STK32A: variants seen among roughly 807,000 people sequenced by gnomAD.
The protein encoded by STK32A is serine/threonine kinase 32A.
STK32A carries 41 observed loss-of-function variants against 53.2 expected under a neutral mutation model. That is an observed-to-expected ratio of 0.77 (90% CI 0.60 to 1.00). The LOEUF (loss-of-function observed/expected upper bound fraction) is 1.00, where lower values mean the gene tolerates loss of function less well. Ranked by LOEUF, STK32A falls within the 50% of genes least tolerant of loss-of-function variation. The pLI is 0.00. For synonymous variants in STK32A, 166 were observed against 162.8 expected (o/e 1.02, Z -0.15); for missense variants, 458 against 485.8 (o/e 0.94, Z 0.54).
At chr5:147,312,276 G>A (rs1453357552) in intron 4 of STK32A, among the ~76,000 whole-genome samples, 1 of 150,808 alleles carries the variant, frequency 6.6e-6, no homozygotes, top group Non-Finnish European at 1.5e-5. Context: ...ATTTTTTTTT[G>A]TATTTGTAGT....
At position 147,375,104 on chromosome 5, in the gene STK32A, T is replaced by A. The variant is rs141520109; in HGVS notation, c.918T>A (p.Asn306Lys). The A allele has an allele frequency of 6.2e-7, 1 of 1,605,446 alleles. No homozygotes were observed. The highest frequency in any genetic ancestry group is 8.5e-7 in the Non-Finnish European group (1 of 1,177,118). Residue 306 changes from asparagine to lysine, a missense_variant, in exon 11 of 13, where the codon AAT (asparagine) becomes AAA (lysine). Coordinates refer to ENST00000397936, the MANE Select transcript of STK32A (RefSeq NM_001112724.2). ...CTTCCTTGCAGAAAGGCAGGCTGAA[T>A]TGTGATCCTACCTTTGAACTTGAGG... ...PGFIPNKGRL[N>K]CDPTFELEEM...
Position 147,251,172 on chromosome 5 carries a change from G to A in STK32A, c.52+11486G>A, listed in dbSNP as rs560502166. Among the ~76,000 whole-genome samples the A allele has an allele frequency of 3.3e-4, 50 of 152,190 alleles. No individual in the cohort carries two copies. In the East Asian group the frequency reaches 3.3e-3, roughly 10 times the overall value. ...CTCATCAGCATGGAGCAGGCTAGAC[G>A]CACAGGGCCTTATATCCAGAAGGAC... On this transcript the variant is annotated intron_variant, in intron 2 of 12. Coordinates refer to ENST00000397936, the MANE Select transcript of STK32A (RefSeq NM_001112724.2).
Position 147,375,158 on chromosome 5 carries a change from T to C in STK32A, c.972T>C (p.His324=), listed in dbSNP as rs1369596142. The C allele has an allele frequency of 1.9e-6, 3 of 1,610,170 alleles. No individual in the cohort carries two copies. Among genetic ancestry groups the C allele is most frequent in the South Asian group, 1.1e-5 (1 of 90,222 alleles). ...TGATTTTGGAGTCCAAACCTCTACA[T>C]AAGAAAAAAAAGCGTCTGGCAAAGA... ...EEMILESKPL[H]KKKKRLAKKE... is the part of the protein sequence containing the mutation. Residue 324 remains histidine (H), a synonymous_variant, in exon 11 of 13, where the codon CAT becomes CAC. Transcript: ENST00000397936.
the STK32A span, chr5:147,399,008 A>G: frequency 6.4e-7 from 1 of 1,561,130 alleles, no homozygotes; most frequent in Non-Finnish European, 8.7e-7. Flanking sequence ...CACACCACAT[A>G]AACACATTTC....
intron 4 of STK32A, among the ~76,000 whole-genome samples, chr5:147,300,655 C>G (rs1753086599): frequency 6.6e-6 from 1 of 152,220 alleles, no homozygotes; most frequent in Admixed American, 6.5e-5. Context: ...TGCACACTCA[C>G]AAACATACCC....
chr5:147,347,881 G>A (rs553820184), intron 6 of STK32A, among the ~76,000 whole-genome samples: 79 of 152,296 alleles, frequency 5.2e-4, no homozygotes, highest in African/African-American at 1.9e-3. Flanking sequence ...ACTCTGTGAA[G>A]TTCTGCCTTC....
intron 1 of STK32A, among the ~76,000 whole-genome samples, chr5:147,237,087 T>A (rs897935865): frequency 1.9e-4 from 29 of 151,992 alleles, no homozygotes; most frequent in Admixed American, 1.9e-3. Context: ...CCGAGGTGGG[T>A]GCATCACAAG....
intron 2 of STK32A, among the ~76,000 whole-genome samples, chr5:147,255,831 C>G (rs1467776650): frequency 1.3e-5 from 2 of 152,172 alleles, no homozygotes. Flanking sequence ...TTAATTGTCA[C>G]TCACCAAAAT....
chr5:147,270,363 T>C (rs1754977082), intron 2 of STK32A, among the ~76,000 whole-genome samples: 1 of 149,916 alleles, frequency 6.7e-6, no homozygotes, highest in African/African-American at 2.5e-5. Flanking sequence ...CAGGCATGCA[T>C]CACCACACTC....
intron 2 of STK32A, among the ~76,000 whole-genome samples, chr5:147,250,933 C>A (rs1431408198): frequency 1.0e-5 from 1 of 95,628 alleles, no homozygotes; most frequent in Non-Finnish European, 1.9e-5. Context: ...CAGAGCAAGA[C>A]TCCATCTCAA....
intron 5 of STK32A, among the ~76,000 whole-genome samples, chr5:147,337,112 G>C (rs1353768993): frequency 6.6e-6 from 1 of 152,162 alleles, no homozygotes; most frequent in Non-Finnish European, 1.5e-5. Flanking sequence ...GAGAAGAGTA[G>C]ATACATCAAT....
In STK32A at chr5:147,309,670, C is replaced by A. The variant is rs115941262; in HGVS notation, c.261-14228C>A. ...GGAAACTTAAAGAATCGTATATATG[C>A]AATGTCACTTTTTAAGACAACTAAT... On this transcript the variant is annotated intron_variant, in intron 4 of 12. Coordinates refer to ENST00000397936, the MANE Select transcript of STK32A (RefSeq NM_001112724.2). 1.6e-3 allele frequency among the ~76,000 whole-genome samples: 245 copies of A among 152,244 alleles called. 1 individual carries two copies. Among genetic ancestry groups the A allele is most frequent in the African/African-American group, 5.5e-3 (227 of 41,560 alleles).
chr5:147,274,383 G>A (rs34365007), intron 2 of STK32A, among the ~76,000 whole-genome samples: 9,168 of 152,164 alleles, frequency 0.06, 381 homozygotes, highest in Admixed American at 0.13. Context: ...GTCTCCAGAC[G>A]GTCTTTCTGT....
intron 2 of STK32A, among the ~76,000 whole-genome samples, chr5:147,270,373 C>T (rs886638950): frequency 1.4e-5 from 2 of 144,386 alleles, no homozygotes; most frequent in African/African-American, 5.2e-5. Context: ...TCACCACACT[C>T]GACTAATGTT....
chr5:147,242,669 G>T (rs4705136), intron 2 of STK32A, among the ~76,000 whole-genome samples: 1 of 152,000 alleles, frequency 6.6e-6, no homozygotes, highest in Non-Finnish European at 1.5e-5. Context: ...ACAAAATCAG[G>T]ATTGAACAGT....
At chr5:147,250,601 G>A (rs1753944704) in intron 2 of STK32A, among the ~76,000 whole-genome samples, 1 of 152,152 alleles carries the variant, frequency 6.6e-6, no homozygotes, top group South Asian at 2.1e-4. Flanking sequence ...GTGGAGTGTG[G>A]AGGCCTGAGC....
At chr5:147,302,396 G>A (rs1114086) in intron 4 of STK32A, among the ~76,000 whole-genome samples, 39,630 of 152,042 alleles carry the variant, frequency 0.26, 5,766 homozygotes, top group Non-Finnish European at 0.33. Flanking sequence ...TCAGAGTTCC[G>A]AAGTGTAGAC....
chr5:147,284,689 G>A (rs1315645279), intron 4 of STK32A, among the ~76,000 whole-genome samples: 4 of 83,840 alleles, frequency 4.8e-5, no homozygotes, highest in Non-Finnish European at 7.6e-5. Flanking sequence ...AACAAAACAA[G>A]ACAAAACAAA....
chr5:147,395,571 A>C, the STK32A span: 1 of 1,612,728 alleles, frequency 6.2e-7, no homozygotes, highest in East Asian at 2.2e-5. Context: ...GACAGGCTAA[A>C]TCCCGACTGA....
Sources: gnomAD v4.1 joint callset for allele counts (sites outside exome capture counted in the v4.1 genomes callset) on GRCh38, gnomAD v4.1.1 for gene constraint, MANE v1.5 for transcripts, NCBI Gene and HGNC (gene_info 2026-07-23, HGNC 2026-07-21) for gene names.